Variants in TPRG1 observed in about 807,000 individuals in gnomAD.
The protein encoded by TPRG1 is tumor protein p63 regulated 1.
A neutral mutation model predicts 29.3 loss-of-function variants in TPRG1; 29 were observed. The observed-to-expected ratio is 0.99, with a 90% CI of 0.74 to 1.35. The LOEUF (loss-of-function observed/expected upper bound fraction) is 1.35, where lower values mean the gene tolerates loss of function less well. TPRG1 is among the 40% of genes most tolerant of loss of function. TPRG1 has a pLI of 0.00. For missense variants in TPRG1, 327 were observed against 335.0 expected, an observed-to-expected ratio of 0.98 and a Z score of 0.19; for synonymous variants, 130 against 116.8, an observed-to-expected ratio of 1.11 and a Z score of -0.73.
intron 4 of TPRG1, among the ~76,000 whole-genome samples, chr3:189,063,059 G>A (rs926633596): frequency 2.0e-5 from 3 of 151,950 alleles, no homozygotes; most frequent in African/African-American, 7.2e-5. Flanking sequence ...TGAAAATAAA[G>A]GAATAGAAAA....
rs535691908 is a variant in TPRG1 at position 189,244,847 on chromosome 3, A to G, written c.479+5938A>G. On this transcript the variant is annotated intron_variant, in intron 4 of 5. Transcript: ENST00000345063. ...ATCATACCAATTCTGTTGGTTTTTA[A>G]CAAGATCATGCTTTTCACTTGGTTA... Among the ~76,000 whole-genome samples, 24 of 152,228 alleles carry G rather than the reference A, an allele frequency of 1.6e-4. No individual in the cohort carries two copies. In the Middle Eastern group the frequency reaches 0.01, roughly 65 times the overall value.
At position 189,178,865 on chromosome 3, in the gene TPRG1, A is replaced by G. The variant is rs531681575; in HGVS notation, c.-10+6734A>G. ...CTCAGGAAACTCACACTTCTGAGCA[A>G]TGTCTCCTAAACTGACAGTGATTTT... On this transcript the variant is annotated intron_variant, in intron 1 of 5. Coordinates refer to ENST00000345063, the MANE Select transcript of TPRG1 (RefSeq NM_198485.4). 5.4e-4 allele frequency among the ~76,000 whole-genome samples: 82 copies of G among 152,336 alleles called. 1 individual carries two copies. The highest frequency in any genetic ancestry group is 1.8e-3 in the African/African-American group (76 of 41,592).
At chr3:189,239,253 A>G (rs1046414835) in intron 4 of TPRG1, among the ~76,000 whole-genome samples, 1 of 152,138 alleles carries the variant, frequency 6.6e-6, no homozygotes, top group African/African-American at 2.4e-5. Flanking sequence ...GCAAGAGAAA[A>G]TGAGGAAGAA....
intron 1 of TPRG1, among the ~76,000 whole-genome samples, chr3:188,999,786 T>C (rs1711942796): frequency 6.6e-6 from 1 of 152,120 alleles, no homozygotes; most frequent in African/African-American, 2.4e-5. Context: ...ATTTAGATGA[T>C]TTCTAATGGG....
intron 2 of TPRG1, among the ~76,000 whole-genome samples, chr3:189,131,231 A>G (rs1250958856): frequency 6.6e-6 from 1 of 152,190 alleles, no homozygotes; most frequent in African/African-American, 2.4e-5. Flanking sequence ...ATTGGTGCTA[A>G]AGAAATCCCT....
At chr3:189,009,333 TTGAC>T (rs1712472491) in intron 3 of TPRG1, among the ~76,000 whole-genome samples, 1 of 152,108 alleles carries the variant, frequency 6.6e-6, no homozygotes, top group African/African-American at 2.4e-5. Flanking sequence ...GATAATTTAT[TTGAC>T]TGGTCTGAGG....
intron 1 of TPRG1, among the ~76,000 whole-genome samples, chr3:189,106,526 T>C (rs994161661): frequency 2.0e-5 from 3 of 152,174 alleles, no homozygotes; most frequent in African/African-American, 7.2e-5. Flanking sequence ...GTGTCTGTCT[T>C]TTCCATTAGA....
At chr3:189,121,413 T>G (rs1310424947) in intron 1 of TPRG1, 6 of 152,218 alleles carry the variant, frequency 3.9e-5, no homozygotes, top group South Asian at 2.1e-4. Flanking sequence ...TCTGACATAT[T>G]CTGTACCCCT....
chr3:189,295,927 A>AC (rs111887263), intron 4 of TPRG1, among the ~76,000 whole-genome samples: 83,740 of 149,816 alleles, frequency 0.56, 24,267 homozygotes, highest in African/African-American at 0.71. Flanking sequence ...AAAAAAAAAA[A>AC]AAAAACATTT....
At chr3:189,163,313 T>A (rs1727735401) in intron 5 of TPRG1, among the ~76,000 whole-genome samples, 1 of 152,076 alleles carries the variant, frequency 6.6e-6, no homozygotes, top group African/African-American at 2.4e-5. Context: ...GGTTCTTACT[T>A]TTTTCTCTGA....
chr3:189,091,872 TG>T (rs2152180470), intron 4 of TPRG1, among the ~76,000 whole-genome samples: 1 of 152,330 alleles, frequency 6.6e-6, no homozygotes, highest in South Asian at 2.1e-4. Flanking sequence ...TCAGATATTT[TG>T]AAATACATAG....
At chr3:189,285,355 A>G (rs935006714) in intron 4 of TPRG1, among the ~76,000 whole-genome samples, 20 of 152,166 alleles carry the variant, frequency 1.3e-4, no homozygotes, top group Middle Eastern at 6.3e-3. Flanking sequence ...GTAGGCTGCT[A>G]TGGAGCTCCC....
intron 4 of TPRG1, among the ~76,000 whole-genome samples, chr3:189,084,741 CTA>C (rs1717822798): frequency 6.6e-6 from 1 of 152,170 alleles, no homozygotes; most frequent in Non-Finnish European, 1.5e-5. Flanking sequence ...TCTTGTAAAC[CTA>C]TGTTTCCTGT....
chr3:189,095,519 A>G (rs1718618279), upstream of TPRG1, among the ~76,000 whole-genome samples: 1 of 152,194 alleles, frequency 6.6e-6, no homozygotes, highest in African/African-American at 2.4e-5. Context: ...GTATTGTTTC[A>G]TCAGTCTCCG....
chr3:189,149,093 C>T lies in TPRG1; in HGVS notation c.-227+1446C>T, dbSNP rs577865574. On this transcript the variant is annotated intron_variant, in intron 4 of 6. Coordinates refer to the TPRG1 transcript ENST00000412373. ...GGTTCTAGATCTTTTTCTATCTCAG[C>T]GCTGTTCTCAAGATTCCATTTATGG... Among the ~76,000 whole-genome samples, 356 of 152,222 alleles carry T rather than the reference C, an allele frequency of 2.3e-3. 1 individual carries two copies. The highest frequency in any genetic ancestry group is 8.3e-3 in the African/African-American group (345 of 41,542).
chr3:189,156,386 C>T (rs1726679826), intron 5 of TPRG1, among the ~76,000 whole-genome samples: 1 of 152,132 alleles, frequency 6.6e-6, no homozygotes, highest in African/African-American at 2.4e-5. Flanking sequence ...TTGTGTTAAG[C>T]CCCTGTGTTT....
At chr3:189,229,995 T>C (rs1037928569) in intron 3 of TPRG1, among the ~76,000 whole-genome samples, 6 of 152,138 alleles carry the variant, frequency 3.9e-5, no homozygotes, top group Non-Finnish European at 7.4e-5. Context: ...CTCCTTAGAA[T>C]GGGGTCTTGT....
chr3:189,023,102 C>T (rs1415627004), intron 3 of TPRG1, among the ~76,000 whole-genome samples: 3 of 152,250 alleles, frequency 2.0e-5, no homozygotes, highest in Admixed American at 2.0e-4. Flanking sequence ...ATGGTGCGCG[C>T]ACCCACTGAC....
chr3:189,150,221 C>T (rs1450416608), intron 4 of TPRG1, among the ~76,000 whole-genome samples: 4 of 152,314 alleles, frequency 2.6e-5, no homozygotes, highest in East Asian at 3.9e-4. Context: ...CTCACTCTGT[C>T]GCCCAACCTG....
Sources: gnomAD v4.1 joint callset for allele counts (sites outside exome capture counted in the v4.1 genomes callset) on GRCh38, gnomAD v4.1.1 for gene constraint, MANE v1.5 for transcripts, NCBI Gene and HGNC (gene_info 2026-07-23, HGNC 2026-07-21) for gene names.